NAALADL2: variants seen among roughly 807,000 people sequenced by gnomAD.
NAALADL2 encodes the protein inactive N-acetylated-alpha-linked acidic dipeptidase-like protein 2.
Under a neutral mutation model 87.2 loss-of-function variants are expected in NAALADL2, and 76 were observed. That is an observed-to-expected ratio of 0.87 (90% CI 0.72 to 1.05). The LOEUF is 1.05. NAALADL2 is among the 50% of genes least tolerant of loss of function. NAALADL2 has a pLI of 0.00. For synonymous variants in NAALADL2, 354 were observed against 331.0 expected, an observed-to-expected ratio of 1.07 and a Z score of -0.75; for missense variants, 1,089 against 945.8, an observed-to-expected ratio of 1.15 and a Z score of -1.99.
intron 5 of NAALADL2, among the ~76,000 whole-genome samples, chr3:175,378,889 G>A (rs1202003557): frequency 1.3e-5 from 2 of 152,114 alleles, no homozygotes; most frequent in South Asian, 2.1e-4. Flanking sequence ...ATAAATGCAG[G>A]ACATCACAGT....
chr3:175,699,259 T>G (rs570215958), intron 11 of NAALADL2, among the ~76,000 whole-genome samples: 1 of 151,996 alleles, frequency 6.6e-6, no homozygotes, highest in Non-Finnish European at 1.5e-5. Flanking sequence ...GAACCATAAA[T>G]CTTAATACAA....
At chr3:174,749,189 C>A (rs891971615) in intron 3 of NAALADL2, among the ~76,000 whole-genome samples, 2 of 152,056 alleles carry the variant, frequency 1.3e-5, no homozygotes, top group African/African-American at 2.4e-5. Context: ...CTCTCTAAAC[C>A]AGTTACATGT....
At chr3:174,447,226 A>G (rs965443561) in intron 1 of NAALADL2, among the ~76,000 whole-genome samples, 2 of 152,144 alleles carry the variant, frequency 1.3e-5, no homozygotes, top group African/African-American at 2.4e-5. Context: ...CTATCTTCTA[A>G]GAATTTTTCC....
intron 3 of NAALADL2, among the ~76,000 whole-genome samples, chr3:174,790,405 T>G (rs2109198329): frequency 6.6e-6 from 1 of 152,186 alleles, no homozygotes; most frequent in South Asian, 2.1e-4. Flanking sequence ...ATCCTAGCAC[T>G]TTGGGAGGCT....
intron 9 of NAALADL2, among the ~76,000 whole-genome samples, chr3:175,501,048 G>T (rs1038477582): frequency 3.9e-5 from 6 of 152,048 alleles, no homozygotes; most frequent in African/African-American, 1.2e-4. Flanking sequence ...GATGACAGAT[G>T]AAGTTTTGAG....
intron 4 of NAALADL2, among the ~76,000 whole-genome samples, chr3:175,289,541 G>A (rs60022500): frequency 0.026 from 3,965 of 151,974 alleles, 161 homozygotes; most frequent in African/African-American, 0.085. Flanking sequence ...CAGAAAACAC[G>A]TGAAAAAACC....
intron 3 of NAALADL2, among the ~76,000 whole-genome samples, chr3:174,759,205 A>T (rs998377398): frequency 1.3e-5 from 2 of 152,192 alleles, no homozygotes; most frequent in Non-Finnish European, 2.9e-5. Flanking sequence ...TAATGGCTGC[A>T]CTGAATGCTG....
At chr3:175,368,080 T>C (rs2148934317) in intron 5 of NAALADL2, among the ~76,000 whole-genome samples, 2 of 152,318 alleles carry the variant, frequency 1.3e-5, no homozygotes, top group East Asian at 3.9e-4. Flanking sequence ...TGTTGAATTT[T>C]GTCAAAGGCC....
intron 3 of NAALADL2, among the ~76,000 whole-genome samples, chr3:174,746,562 C>T (rs991652907): frequency 2.0e-5 from 3 of 150,488 alleles, no homozygotes; most frequent in Admixed American, 1.3e-4. Flanking sequence ...ACTTTCTTCA[C>T]AGAATTAGAA....
At chr3:175,765,954 C>G (rs2150161703) in intron 13 of NAALADL2, among the ~76,000 whole-genome samples, 1 of 152,176 alleles carries the variant, frequency 6.6e-6, no homozygotes, top group East Asian at 1.9e-4. Flanking sequence ...TAAAAACCAC[C>G]ACTCTTTCTA....
chr3:174,765,162 G>GAC (rs1713646026), intron 3 of NAALADL2, among the ~76,000 whole-genome samples: 1 of 150,904 alleles, frequency 6.6e-6, no homozygotes, highest in African/African-American at 2.4e-5. Context: ...GAGAGAGAGA[G>GAC]AGAGAGAGAC....
chr3:175,056,420 T>C (rs1400686402), intron 1 of NAALADL2, among the ~76,000 whole-genome samples: 1 of 152,164 alleles, frequency 6.6e-6, no homozygotes, highest in Non-Finnish European at 1.5e-5. Flanking sequence ...AGTACTCAGG[T>C]GTCCTACAGC....
intron 3 of NAALADL2, among the ~76,000 whole-genome samples, chr3:174,793,310 A>G (rs1237491508): frequency 4.6e-5 from 7 of 152,168 alleles, no homozygotes; most frequent in Non-Finnish European, 8.8e-5. Flanking sequence ...TTGTTTAACA[A>G]TACAAGTCAG....
At chr3:175,225,319 T>C (rs1382253883) in intron 2 of NAALADL2, among the ~76,000 whole-genome samples, 1 of 152,104 alleles carries the variant, frequency 6.6e-6, no homozygotes, top group Non-Finnish European at 1.5e-5. Flanking sequence ...ATCTTAAAAT[T>C]AGGTTTTCAA....
At chr3:174,607,040 T>C (rs1350135468) in intron 2 of NAALADL2, among the ~76,000 whole-genome samples, 7 of 152,150 alleles carry the variant, frequency 4.6e-5, no homozygotes, top group South Asian at 2.1e-4. Context: ...GAATTTTCAA[T>C]CCAGAATTTC....
intron 5 of NAALADL2, among the ~76,000 whole-genome samples, chr3:175,436,538 C>A (rs1403091101): frequency 6.8e-6 from 1 of 146,354 alleles, no homozygotes; most frequent in Non-Finnish European, 1.5e-5. Flanking sequence ...TTAATGATTG[C>A]CATTCTAACT....
At chr3:174,455,041 A>C (rs894842463) in intron 1 of NAALADL2, among the ~76,000 whole-genome samples, 3 of 152,042 alleles carry the variant, frequency 2.0e-5, no homozygotes, top group Non-Finnish European at 4.4e-5. Flanking sequence ...GAAATGACAG[A>C]GGGGATATTA....
At chr3:174,700,764 A>G (rs1472579991) in intron 2 of NAALADL2, among the ~76,000 whole-genome samples, 1 of 152,206 alleles carries the variant, frequency 6.6e-6, no homozygotes, top group East Asian at 1.9e-4. Flanking sequence ...AATGAAGGAA[A>G]TAAAACTGAT....
chr3:175,282,391 T>C (rs1754422822), intron 4 of NAALADL2, among the ~76,000 whole-genome samples: 1 of 152,084 alleles, frequency 6.6e-6, no homozygotes, highest in Admixed American at 6.6e-5. Flanking sequence ...AGGTGTTCTG[T>C]ATCACTGGAA....
Sources: gnomAD v4.1 joint callset for allele counts (sites outside exome capture counted in the v4.1 genomes callset) on GRCh38, gnomAD v4.1.1 for gene constraint, MANE v1.5 for transcripts, NCBI Gene and HGNC (gene_info 2026-07-23, HGNC 2026-07-21) for gene names.